CNKSR3: variants seen among roughly 807,000 people sequenced by gnomAD.
The protein encoded by CNKSR3 is CNKSR family member 3, also known as connector enhancer of kinase suppressor of ras 3.
A neutral mutation model predicts 67.7 loss-of-function variants in CNKSR3; 36 were observed. The ratio of observed to expected loss-of-function variants is 0.53; its 90% CI spans 0.41 to 0.70. The LOEUF is 0.70. CNKSR3 is among the 30% of genes least tolerant of loss of function. The probability of loss-of-function intolerance (pLI) is 0.00; values close to 1 mark genes in which losing one functional copy is unlikely to be tolerated. For missense variants in CNKSR3, 630 were observed against 695.2 expected (o/e 0.91, Z 1.05); for synonymous variants, 281 against 271.4 (o/e 1.04, Z -0.35).
At chr6:154,473,712 C>T (rs1359729419) in intron 1 of CNKSR3, among the ~76,000 whole-genome samples, 1 of 152,044 alleles carries the variant, frequency 6.6e-6, no homozygotes, top group Non-Finnish European at 1.5e-5. Context: ...GGAGTCAGGT[C>T]GCCTGGATTC....
intron 1 of CNKSR3, among the ~76,000 whole-genome samples, chr6:154,496,733 G>C (rs760293482): frequency 4.6e-5 from 7 of 152,172 alleles, no homozygotes; most frequent in Non-Finnish European, 8.8e-5. Context: ...ATATTAAAAA[G>C]AGAAAAGAAG....
In CNKSR3 at chr6:154,394,620, A is replaced by T. The variant is rs1240896685; in HGVS notation, c.*11734T>A. 1 of 122,064 alleles carries T rather than the reference A, an allele frequency of 8.2e-6. No individual in the cohort carries two copies. Among genetic ancestry groups the T allele is most frequent in the South Asian group, 3.4e-4 (1 of 2,926 alleles). The allele number at this position is 122,064 out of a possible 1,614,324, so 7.6% of individuals were successfully genotyped here. On this transcript the variant is annotated 3_prime_UTR_variant, in exon 13 of 13. Transcript: ENST00000607772. Reference sequence around the variant, plus strand: ...ATGAGCCTAATACAAGAAGTAAAAAAAAAAAAAAAAAAAAAGAAGAATTCC... The same window carrying T: ...ATGAGCCTAATACAAGAAGTAAAAATAAAAAAAAAAAAAAAGAAGAATTCC...
chr6:154,423,968 C>T (rs887044123), intron 7 of CNKSR3, among the ~76,000 whole-genome samples: 1 of 152,134 alleles, frequency 6.6e-6, no homozygotes, highest in Non-Finnish European at 1.5e-5. Flanking sequence ...CGCGGTGCCT[C>T]ATGCCTGTAA....
chr6:154,510,239 A>G lies in CNKSR3; in HGVS notation c.-125T>C. On this transcript the variant is annotated 5_prime_UTR_variant, in exon 1 of 13. It removes the in-frame stop codon of an upstream open reading frame in the 5' UTR. Coordinates refer to ENST00000607772, the MANE Select transcript of CNKSR3 (RefSeq NM_173515.4). ...TCCCCTGCGCCCGAGCGACTCCGTC[A>G]AGACTGCATGGCCGCGGTCAGCCAG... 3 of 1,101,314 alleles carry G rather than the reference A, an allele frequency of 2.7e-6. No individual in the cohort carries two copies. Among genetic ancestry groups the G allele is most frequent in the Non-Finnish European group, 4.0e-6 (3 of 743,060 alleles). The allele number at this position is 1,101,314 out of a possible 1,614,324, so 68.2% of individuals were successfully genotyped here.
chr6:154,430,914 G>A (rs1422380804), intron 5 of CNKSR3, among the ~76,000 whole-genome samples: 1 of 150,150 alleles, frequency 6.7e-6, no homozygotes, highest in Non-Finnish European at 1.5e-5. Flanking sequence ...ACTTTTCAAT[G>A]ATTGCTCACA....
chr6:154,475,614 C>T (rs988377384), intron 1 of CNKSR3, among the ~76,000 whole-genome samples: 31 of 152,170 alleles, frequency 2.0e-4, no homozygotes, highest in Admixed American at 8.5e-4. Context: ...CAGCTCCATC[C>T]AAGTCCCCCT....
rs558329053 is a variant in CNKSR3 at position 154,426,492 on chromosome 6, A to C, written c.729+1636T>G. Among the ~76,000 whole-genome samples the C allele has an allele frequency of 1.1e-3, 166 of 152,036 alleles. 2 individuals are homozygous for C. The highest frequency in any genetic ancestry group is 3.9e-3 in the African/African-American group (162 of 41,442). On this transcript the variant is annotated intron_variant, in intron 7 of 12. Coordinates refer to ENST00000607772, the MANE Select transcript of CNKSR3 (RefSeq NM_173515.4). Reference sequence around the variant, plus strand: ...TGCCTCAGCCTCCCGAGTAGCTGGGATTACAGATGCGTGCCACCACGCCCA... The same window carrying C: ...TGCCTCAGCCTCCCGAGTAGCTGGGCTTACAGATGCGTGCCACCACGCCCA...
At chr6:154,470,908 G>A (rs982035036) in intron 1 of CNKSR3, among the ~76,000 whole-genome samples, 3 of 152,166 alleles carry the variant, frequency 2.0e-5, no homozygotes, top group African/African-American at 4.8e-5. Context: ...AGCAATTTAT[G>A]AAGATTCCAA....
At chr6:154,459,485 C>G (rs1234972936) in intron 1 of CNKSR3, among the ~76,000 whole-genome samples, 1 of 150,106 alleles carries the variant, frequency 6.7e-6, no homozygotes, top group Non-Finnish European at 1.5e-5. Flanking sequence ...AGTTTAGACT[C>G]TTACCCATTT....
intron 1 of CNKSR3, among the ~76,000 whole-genome samples, chr6:154,473,633 G>A (rs1786378675): frequency 3.3e-5 from 5 of 152,126 alleles, no homozygotes; most frequent in South Asian, 4.1e-4. Context: ...AGAGGTGAAC[G>A]ACAGAGCCCG....
intron 4 of CNKSR3, among the ~76,000 whole-genome samples, chr6:154,437,667 T>C (rs1211137814): frequency 6.6e-6 from 1 of 152,008 alleles, no homozygotes; most frequent in East Asian, 1.9e-4. Flanking sequence ...CTACCCGCCC[T>C]GGCCTCCCAA....
chr6:154,510,614 C>A lies in CNKSR3; in HGVS notation c.-500G>T, dbSNP rs1371760239. 1.8e-5 allele frequency: 3 copies of A among 164,860 alleles called. No individual in the cohort carries two copies. The highest frequency in any genetic ancestry group is 7.2e-5 in the African/African-American group (3 of 41,658). The allele number at this position is 164,860 out of a possible 1,614,324, so 10.2% of individuals were successfully genotyped here. ...CTCCTGCGCCGCCCTCCCGTGCCGC[C>A]CTGGCAGGGCCGAGCGCAGAGCGTG... On this transcript the variant is annotated 5_prime_UTR_variant, in exon 1 of 13. Coordinates refer to ENST00000607772, the MANE Select transcript of CNKSR3 (RefSeq NM_173515.4).
At chr6:154,429,467 C>T (rs1402420288) in intron 6 of CNKSR3, among the ~76,000 whole-genome samples, 3 of 152,174 alleles carry the variant, frequency 2.0e-5, no homozygotes, top group African/African-American at 7.2e-5. Context: ...TCCATTTCTG[C>T]CTACTCAGGA....
At chr6:154,473,789 T>C (rs1293685268) in intron 1 of CNKSR3, among the ~76,000 whole-genome samples, 1 of 138,534 alleles carries the variant, frequency 7.2e-6, no homozygotes, top group Non-Finnish European at 1.6e-5. Flanking sequence ...TCTCCACTAT[T>C]TTTTTTTTCT....
intron 1 of CNKSR3, among the ~76,000 whole-genome samples, chr6:154,504,314 T>C (rs541974739): frequency 1.3e-5 from 2 of 152,310 alleles, no homozygotes; most frequent in South Asian, 4.1e-4. Flanking sequence ...GGCAGAGAAA[T>C]CTCTTTGACA....
At position 154,402,030 on chromosome 6, in the gene CNKSR3, G is replaced by C. The variant is rs1485060730; in HGVS notation, c.*4324C>G. 3 of 152,184 alleles carry C rather than the reference G, an allele frequency of 2.0e-5. No homozygotes were observed. Among genetic ancestry groups the C allele is most frequent in the Non-Finnish European group, 2.9e-5 (2 of 68,044 alleles). 9.4% of individuals were successfully genotyped at this position (152,184 alleles called of 1,614,324 possible). On this transcript the variant is annotated 3_prime_UTR_variant, in exon 13 of 13. Coordinates refer to ENST00000607772, the MANE Select transcript of CNKSR3 (RefSeq NM_173515.4). ...TGAAATTTCAGGTTTGGTGGGGAAA[G>C]AACTGAGAGAGAAGCAGAGATAGGA...
chr6:154,442,473 T>G (rs1164069957), intron 2 of CNKSR3, among the ~76,000 whole-genome samples, 183 bp from the exon 3 acceptor site: 1 of 151,956 alleles, frequency 6.6e-6, no homozygotes, highest in Non-Finnish European at 1.5e-5. Context: ...ACACAAAAAA[T>G]TAGCCGGGCG....
At chr6:154,438,268 C>G (rs934322824) in intron 4 of CNKSR3, among the ~76,000 whole-genome samples, 8 of 151,622 alleles carry the variant, frequency 5.3e-5, no homozygotes, top group Non-Finnish European at 1.2e-4. Context: ...ACATTCCCTC[C>G]CTCTCTCTCC....
chr6:154,449,534 A>G (rs1182644716), intron 2 of CNKSR3, among the ~76,000 whole-genome samples: 1 of 152,204 alleles, frequency 6.6e-6, no homozygotes, highest in African/African-American at 2.4e-5. Flanking sequence ...TACGTTGCCC[A>G]GGCTGGTCTC....
Sources: allele counts gnomAD v4.1 joint callset (sites outside exome capture counted in the v4.1 genomes callset), GRCh38; gene constraint gnomAD v4.1.1; transcripts MANE v1.5; gene names NCBI Gene and HGNC (gene_info 2026-07-23, HGNC 2026-07-21).